CD44: variants seen among roughly 807,000 people sequenced by gnomAD.
CD44 encodes CD44 antigen.
In CD44, 49 loss-of-function variants were observed where a neutral mutation model predicts 88.8. The ratio of observed to expected loss-of-function variants is 0.55; its 90% CI spans 0.44 to 0.70. The LOEUF is 0.70. CD44 is among the 30% of genes least tolerant of loss of function. CD44 has a pLI of 0.00. For synonymous variants in CD44, 325 were observed against 312.3 expected (o/e 1.04, Z -0.43); for missense variants, 883 against 913.8 (o/e 0.97, Z 0.43).
chr11:35,159,050 G>A (rs1389853611), intron 1 of CD44, among the ~76,000 whole-genome samples: 1 of 152,178 alleles, frequency 6.6e-6, no homozygotes, highest in Non-Finnish European at 1.5e-5. Flanking sequence ...TGAGGCCAGA[G>A]AACAGAAGGG....
intron 17 of CD44, among the ~76,000 whole-genome samples, chr11:35,227,420 A>G (rs1021090663): frequency 6.6e-6 from 1 of 152,182 alleles, no homozygotes; most frequent in Non-Finnish European, 1.5e-5. Flanking sequence ...TCCTGGGCTC[A>G]AGTGATCCAC....
intron 10 of CD44, chr11:35,204,880 G>A (rs1231195191): frequency 4.8e-6 from 2 of 417,242 alleles, no homozygotes; most frequent in Non-Finnish European, 8.7e-6. Context: ...AAATGCCCTT[G>A]AACATGTCTC....
At chr11:35,188,915 G>A (rs966051476) in intron 4 of CD44, among the ~76,000 whole-genome samples, 10 of 151,758 alleles carry the variant, frequency 6.6e-5, no homozygotes, top group African/African-American at 2.2e-4. Flanking sequence ...CCCAGCCTGG[G>A]CAACAGAGTG....
At chr11:35,186,759 T>G in intron 3 of CD44, 73 bp from the exon 4 acceptor site, 1 of 850,080 alleles carries the variant, frequency 1.2e-6, no homozygotes, top group Admixed American at 1.7e-5. Flanking sequence ...CCATTCTAAC[T>G]GACTAATAAA....
intron 1 of CD44, among the ~76,000 whole-genome samples, chr11:35,146,233 A>C (rs751576654): frequency 6.6e-6 from 1 of 152,162 alleles, no homozygotes; most frequent in African/African-American, 2.4e-5. Context: ...GTGATTTGCA[A>C]AACTCAGGTC....
rs141669673 is a variant in CD44 at position 35,159,908 on chromosome 11, A to G, written c.68-16667A>G. Among the ~76,000 whole-genome samples, 16 of 152,314 alleles carry G rather than the reference A, an allele frequency of 1.1e-4. No individual in the cohort carries two copies. The East Asian group carries it at 3.1e-3, about 29-fold the overall frequency. On this transcript the variant is annotated intron_variant, in intron 1 of 17. Coordinates refer to ENST00000428726, the MANE Select transcript of CD44 (RefSeq NM_000610.4). ...CCTAGAATGGAGCCTTGAAAGTTCA[A>G]GGTGTCTCCTTTTCCTAAGAAACTG...
rs568588837 is a variant in CD44 at position 35,173,699 on chromosome 11, A to G, written c.68-2876A>G. On this transcript the variant is annotated intron_variant, in intron 1 of 17. Transcript: ENST00000428726. ...AGAATTTTAACAGTTTTCTTACCTC[A>G]TTTTGCATTTGTTAGACATTGTTTC... 1.6e-4 allele frequency among the ~76,000 whole-genome samples: 24 copies of G among 152,268 alleles called. No individual in the cohort carries two copies. The East Asian group carries it at 1.7e-3, about 11-fold the overall frequency.
At chr11:35,197,742 C>T (rs558358970) in intron 6 of CD44, 108 of 152,420 alleles carry the variant, frequency 7.1e-4, no homozygotes, top group Non-Finnish European at 1.2e-3. Context: ...AAAAAAGGCA[C>T]GTGTGAAACC....
At chr11:35,206,274 G>GT (rs1344606826) in intron 11 of CD44, 31 bp downstream of exon 11, 4 of 1,567,066 alleles carry the variant, frequency 2.6e-6, no homozygotes, top group South Asian at 2.4e-5. Flanking sequence ...TATATATTAT[G>GT]TTTTTTGAAA....
chr11:35,197,009 A>G (rs1946823672), intron 6 of CD44, 135 bp downstream of exon 6: 1 of 789,530 alleles, frequency 1.3e-6, no homozygotes, highest in Admixed American at 2.6e-5. Context: ...CAGAAGGATC[A>G]TTAACTCTGG....
rs1331551245 is a variant in CD44, at chr11:35,201,202, G to C, written c.1036+7G>C. ...ACAACCACAAGGATGACTGGTAATG[G>C]GTTCTGCATATTTAATGAAAGATTT... On this transcript the variant is annotated splice_region_variant and intron_variant, in intron 8 of 17. Coordinates refer to ENST00000428726, the MANE Select transcript of CD44 (RefSeq NM_000610.4). 1 of 1,579,330 alleles carries C rather than the reference G, an allele frequency of 6.3e-7. No individual in the cohort carries two copies. Among genetic ancestry groups the C allele is most frequent in the South Asian group, 1.1e-5 (1 of 90,364 alleles).
chr11:35,170,510 G>A (rs1381560274), intron 1 of CD44, among the ~76,000 whole-genome samples: 4 of 152,096 alleles, frequency 2.6e-5, no homozygotes, highest in Non-Finnish European at 5.9e-5. Context: ...TTTCTACCAC[G>A]GGAAGTCTCC....
At chr11:35,206,670 G>GGC (rs386362329) in intron 11 of CD44, among the ~76,000 whole-genome samples, 2,487 of 142,540 alleles carry the variant, frequency 0.017, 78 homozygotes, top group East Asian at 0.11. Flanking sequence ...GGGGGTTGGT[G>GGC]GGGGGGGCAG....
intron 14 of CD44, chr11:35,213,866 G>T (rs1948622653): frequency 6.6e-6 from 1 of 152,146 alleles, no homozygotes; most frequent in South Asian, 2.1e-4. Context: ...AGTTACACAG[G>T]TGACTAAGTG....
At chr11:35,191,059 A>T (rs1946222368) in intron 5 of CD44, among the ~76,000 whole-genome samples, 1 of 152,176 alleles carries the variant, frequency 6.6e-6, no homozygotes, top group African/African-American at 2.4e-5. Flanking sequence ...ATCAAACTCA[A>T]ATAGGGCATC....
In CD44 at chr11:35,190,045, C is replaced by T. The variant is rs540774709; in HGVS notation, c.647C>T (p.Thr216Ile). ...GACAGTCCCTGGATCACCGACAGCA[C>T]AGACAGAATCCCTGCTACCAGTAAG... Reference protein sequence around the residue: ...DEDSPWITDSTDRIPATTLMS... With the variant: ...DEDSPWITDSIDRIPATTLMS... Residue 216 changes from threonine to isoleucine, a missense_variant, in exon 5 of 18, where the codon ACA (threonine) becomes ATA (isoleucine). Thr to Ile is a moderately conservative substitution (Grantham distance 89). Transcript: ENST00000428726. 29 of 1,613,872 alleles carry T rather than the reference C, an allele frequency of 1.8e-5. No homozygotes were observed. The South Asian group carries it at 2.7e-4, about 15-fold the overall frequency.
intron 17 of CD44, among the ~76,000 whole-genome samples, chr11:35,224,904 T>G (rs943483944): frequency 1.3e-5 from 2 of 152,200 alleles, no homozygotes; most frequent in African/African-American, 4.8e-5. Flanking sequence ...TCACCCACAC[T>G]CCAATCAGTA....
intron 1 of CD44, 161 bp downstream of exon 1, chr11:35,139,531 AACCGTTGGAGAATGTGTCTGTGGAAGC>A: frequency 1.3e-6 from 1 of 778,344 alleles, no homozygotes; most frequent in Non-Finnish European, 2.3e-6. Context: ...ATTTGCGCTA[AACCGTTGGAGAATGTGTCTGTGGAAGC>A]ACCATTTGGT....
At chr11:35,227,130 A>T (rs975049577) in intron 17 of CD44, among the ~76,000 whole-genome samples, 6 of 151,746 alleles carry the variant, frequency 4.0e-5, no homozygotes, top group African/African-American at 1.5e-4. Flanking sequence ...ACCTCAAGTG[A>T]TCCTTCTGCC....
Sources: allele counts gnomAD v4.1 joint callset (sites outside exome capture counted in the v4.1 genomes callset), GRCh38; gene constraint gnomAD v4.1.1; transcripts MANE v1.5; gene names NCBI Gene and HGNC (gene_info 2026-07-23, HGNC 2026-07-21).